The following ADARB2 variants were observed in gnomAD, a reference collection of about 807,000 sequenced individuals.
ADARB2 encodes adenosine deaminase RNA specific B2 (inactive).
Under a neutral mutation model 62.2 loss-of-function variants are expected in ADARB2, and 25 were observed. The observed-to-expected ratio is 0.40, with a 90% CI of 0.29 to 0.56. The LOEUF (loss-of-function observed/expected upper bound fraction) is 0.56. ADARB2 is among the 20% of genes least tolerant of loss of function. The probability of loss-of-function intolerance (pLI) is 0.43; values close to 1 mark genes in which losing one functional copy is unlikely to be tolerated. For synonymous variants in ADARB2, 572 were observed against 500.8 expected (o/e 1.14, Z -1.90); for missense variants, 1,071 against 1,077.4 (o/e 0.99, Z 0.08).
chr10:1,689,724 C>T lies in ADARB2; in HGVS notation c.100+47327G>A, dbSNP rs574781446. On this transcript the variant is annotated intron_variant, in intron 1 of 9. Transcript: ENST00000381312. The stretch of plus-strand genomic sequence containing the variant: ...TCTCAAGAAATACTGCAATAAACAT[C>T]CTTATTCAAAATCTAATTTGCTGCC... Among the ~76,000 whole-genome samples, 10 of 152,312 alleles carry T rather than the reference C, an allele frequency of 6.6e-5. No individual in the cohort carries two copies. The South Asian group carries it at 1.9e-3, about 28-fold the overall frequency.
At chr10:1,249,789 T>G (rs1432721903) in intron 4 of ADARB2, among the ~76,000 whole-genome samples, 2 of 152,086 alleles carry the variant, frequency 1.3e-5, no homozygotes, top group Non-Finnish European at 2.9e-5. Context: ...AAGCACTGTC[T>G]GAACATGTTA....
intron 4 of ADARB2, among the ~76,000 whole-genome samples, chr10:1,243,681 G>A (rs542839666): frequency 6.6e-6 from 1 of 152,240 alleles, no homozygotes; most frequent in Non-Finnish European, 1.5e-5. Flanking sequence ...CACTGGGGAA[G>A]TAACCTGCAG....
At chr10:1,519,078 A>T (rs926188195) in intron 1 of ADARB2, among the ~76,000 whole-genome samples, 1 of 151,536 alleles carries the variant, frequency 6.6e-6, no homozygotes, top group Admixed American at 6.6e-5. Context: ...ATATGCATGT[A>T]TTCCATGTAA....
intron 3 of ADARB2, among the ~76,000 whole-genome samples, chr10:1,301,107 A>T (rs1029059588): frequency 1.3e-5 from 2 of 152,228 alleles, no homozygotes; most frequent in African/African-American, 2.4e-5. Flanking sequence ...TCTTGGTAAA[A>T]TACTGAGGAA....
intron 1 of ADARB2, among the ~76,000 whole-genome samples, chr10:1,475,425 A>G (rs1480505588): frequency 1.3e-5 from 2 of 152,188 alleles, no homozygotes; most frequent in Non-Finnish European, 2.9e-5. Context: ...TGAGCAGCAC[A>G]TTACCCATCC....
chr10:1,342,500 C>T (rs1832039756), intron 3 of ADARB2, among the ~76,000 whole-genome samples: 1 of 152,212 alleles, frequency 6.6e-6, no homozygotes, highest in African/African-American at 2.4e-5. Flanking sequence ...GAAGGAGGAG[C>T]TTTGGGAAGC....
intron 1 of ADARB2, among the ~76,000 whole-genome samples, chr10:1,564,516 C>T (rs1832830732): frequency 6.6e-6 from 1 of 151,996 alleles, no homozygotes; most frequent in African/African-American, 2.4e-5. Context: ...ACTCATCTGA[C>T]AAAGGGCTAA....
At chr10:1,520,993 C>G (rs953411235) in intron 1 of ADARB2, among the ~76,000 whole-genome samples, 1 of 152,160 alleles carries the variant, frequency 6.6e-6, no homozygotes, top group Non-Finnish European at 1.5e-5. Flanking sequence ...ATGGGTTAGT[C>G]TAGGTCCAGC....
At chr10:1,686,253 C>T (rs1416151372) in intron 1 of ADARB2, among the ~76,000 whole-genome samples, 3 of 152,170 alleles carry the variant, frequency 2.0e-5, no homozygotes, top group African/African-American at 4.8e-5. Flanking sequence ...GGGCCAAGGC[C>T]TCGGCGGGGG....
At chr10:1,413,217 G>A (rs1165454365) in intron 1 of ADARB2, among the ~76,000 whole-genome samples, 1 of 152,212 alleles carries the variant, frequency 6.6e-6, no homozygotes, top group African/African-American at 2.4e-5. Context: ...GCCCAGCCAG[G>A]GCAGCAGGGG....
chr10:1,551,762 C>T (rs552976816), intron 1 of ADARB2, among the ~76,000 whole-genome samples: 82 of 152,340 alleles, frequency 5.4e-4, no homozygotes, highest in African/African-American at 1.9e-3. Context: ...CCAGGTCCAG[C>T]GATGGCCAAA....
intron 1 of ADARB2, among the ~76,000 whole-genome samples, chr10:1,414,254 T>C (rs1467959284): frequency 6.6e-6 from 1 of 152,218 alleles, no homozygotes; most frequent in East Asian, 1.9e-4. Context: ...CGGGAGAAGC[T>C]GAGGCAGTGC....
At chr10:1,350,106 C>T (rs1832121776) in intron 3 of ADARB2, among the ~76,000 whole-genome samples, 1 of 152,184 alleles carries the variant, frequency 6.6e-6, no homozygotes, top group Admixed American at 6.5e-5. Context: ...CACCACTTGG[C>T]CCCAGTACAA....
chr10:1,506,974 TC>T (rs1183147486), intron 1 of ADARB2, among the ~76,000 whole-genome samples: 1 of 152,144 alleles, frequency 6.6e-6, no homozygotes, highest in Non-Finnish European at 1.5e-5. Context: ...AGGCAGGTCT[TC>T]CCCACAATCC....
At chr10:1,564,102 T>C (rs1832826452) in intron 1 of ADARB2, among the ~76,000 whole-genome samples, 1 of 152,060 alleles carries the variant, frequency 6.6e-6, no homozygotes, top group African/African-American at 2.4e-5. Flanking sequence ...CGTGTGCAGG[T>C]GTCTTTATAG....
chr10:1,199,721 C>T (rs529606773), intron 8 of ADARB2: 46 of 448,176 alleles, frequency 1.0e-4, no homozygotes, highest in African/African-American at 6.6e-4. Flanking sequence ...CTTCAGACAC[C>T]GCTGTGAAAA....
intron 1 of ADARB2, among the ~76,000 whole-genome samples, chr10:1,562,885 ATGAT>A (rs1370798950): frequency 6.6e-6 from 1 of 152,264 alleles, no homozygotes; most frequent in Non-Finnish European, 1.5e-5. Flanking sequence ...CTCAAGAAAT[ATGAT>A]TGAAGTTGTT....
intron 1 of ADARB2, among the ~76,000 whole-genome samples, chr10:1,624,414 G>A (rs1833742225): frequency 6.6e-6 from 1 of 152,064 alleles, no homozygotes; most frequent in African/African-American, 2.4e-5. Flanking sequence ...CCTACCCGTG[G>A]CTCCGAGCAC....
chr10:1,715,045 C>T (rs1443131014), intron 1 of ADARB2, among the ~76,000 whole-genome samples: 1 of 141,536 alleles, frequency 7.1e-6, no homozygotes, highest in Admixed American at 7.5e-5. Context: ...ATGTTCCCAA[C>T]AAGGGGCTTT....
Sources: gnomAD v4.1 joint callset for allele counts (sites outside exome capture counted in the v4.1 genomes callset) on GRCh38, gnomAD v4.1.1 for gene constraint, MANE v1.5 for transcripts, NCBI Gene and HGNC (gene_info 2026-07-23, HGNC 2026-07-21) for gene names.